The following DMD variants were observed in gnomAD, a reference collection of about 807,000 sequenced individuals.
The protein encoded by DMD is dystrophin, also known as mutant dystrophin.
Under a neutral mutation model 330.1 loss-of-function variants are expected in DMD, and 63 were observed. That is an observed-to-expected ratio of 0.19 (90% confidence interval 0.16 to 0.24). DMD has a LOEUF of 0.24. Ranked by LOEUF, DMD falls within the 10% of genes least tolerant of loss-of-function variation. The probability of loss-of-function intolerance (pLI) is 1.00; values close to 1 mark genes in which losing one functional copy is unlikely to be tolerated. For synonymous variants in DMD, 1,223 were observed against 959.8 expected (o/e 1.27, Z -5.07); for missense variants, 3,344 against 2,684.1 (o/e 1.25, Z -5.43).
chrX:32,050,494 A>T (rs1181495159), intron 44 of DMD, among the ~76,000 whole-genome samples: 2 of 111,912 alleles, frequency 1.8e-5, no homozygotes, highest in East Asian at 5.6e-4. Flanking sequence ...CACTGTAATA[A>T]TGCTGATAAA....
intron 60 of DMD, among the ~76,000 whole-genome samples, chrX:31,378,920 C>T (rs1375523545): frequency 2.7e-5 from 3 of 111,175 alleles, no homozygotes; most frequent in Non-Finnish European, 5.7e-5. Context: ...ACAGTAGTTC[C>T]AAATAGCCAG....
In DMD at chrX:32,854,046, C is replaced by T. The variant is rs767460980; in HGVS notation, c.94-4226G>A. 5.5e-4 allele frequency among the ~76,000 whole-genome samples: 61 copies of T among 111,295 alleles called. 1 individual carries two copies. The highest frequency in any genetic ancestry group is 1.8e-3 in the African/African-American group (56 of 30,658). On this transcript the variant is annotated intron_variant, in intron 2 of 78. Coordinates refer to ENST00000357033, the MANE Select transcript of DMD (RefSeq NM_004006.3). Reference sequence around the variant, plus strand: ...ATACCAATTGTAAATATATACGTACCGAACACTGGAGCACCCAGATATATA... The same window carrying T: ...ATACCAATTGTAAATATATACGTACTGAACACTGGAGCACCCAGATATATA...
intron 1 of DMD, among the ~76,000 whole-genome samples, chrX:33,175,828 T>G (rs1299292565): frequency 8.9e-6 from 1 of 111,955 alleles, no homozygotes; most frequent in Non-Finnish European, 1.9e-5. Context: ...TATAAGATAA[T>G]AATAAGTAAA....
chrX:31,602,234 A>C (rs1470572693), intron 55 of DMD, among the ~76,000 whole-genome samples: 1 of 110,031 alleles, frequency 9.1e-6, no homozygotes, highest in Non-Finnish European at 1.9e-5. Context: ...TCTTTTCTAG[A>C]TATCACCCTT....
chrX:32,512,292 C>A (rs1416724600), intron 18 of DMD, among the ~76,000 whole-genome samples: 1 of 111,603 alleles, frequency 9.0e-6, no homozygotes, highest in African/African-American at 3.3e-5. Flanking sequence ...TCTATCAGTC[C>A]TACTCCGACA....
At chrX:32,880,368 G>A (rs1268949872) in intron 2 of DMD, among the ~76,000 whole-genome samples, 1 of 110,017 alleles carries the variant, frequency 9.1e-6, no homozygotes, top group Non-Finnish European at 1.9e-5. Flanking sequence ...TCAATGTTTG[G>A]AAGAGATGGA....
rs568350718 is a variant in DMD at position 32,572,089 on chromosome X, T to G, written c.1812+1441A>C. On this transcript the variant is annotated intron_variant, in intron 15 of 78. Coordinates refer to ENST00000357033, the MANE Select transcript of DMD (RefSeq NM_004006.3). The stretch of plus-strand genomic sequence containing the variant: ...ATATACAGGTTACTTTTCTGAACTC[T>G]ATTTTCGGCAGTCACATCACTTAAT... Among the ~76,000 whole-genome samples, 255 of 112,237 alleles carry G rather than the reference T, an allele frequency of 2.3e-3. 1 individual carries two copies. The highest frequency in any genetic ancestry group is 8.1e-3 in the African/African-American group (250 of 30,948).
chrX:31,919,220 T>C (rs185658067), intron 47 of DMD, among the ~76,000 whole-genome samples: 105 of 111,991 alleles, frequency 9.4e-4, no homozygotes, highest in African/African-American at 3.3e-3. Flanking sequence ...TGGTCTAAAA[T>C]TTGTCACAAA....
At position 33,027,218 on chromosome X, in the gene DMD, G is replaced by A. The variant is rs2094020892; in HGVS notation, c.32-7018C>T. Among the ~76,000 whole-genome samples, 4 of 112,096 alleles carry A rather than the reference G, an allele frequency of 3.6e-5. No homozygotes were observed. The Admixed American group carries it at 3.8e-4, about 11-fold the overall frequency. ...GATTTAATCACAGGGGTCCTTAAAA[G>A]GGGGGAAATGTTGGCATAAGGGGAG... On this transcript the variant is annotated intron_variant, in intron 1 of 78. Transcript: ENST00000357033.
At chrX:31,183,485 C>T (rs775544793) in intron 67 of DMD, among the ~76,000 whole-genome samples, 11 of 111,234 alleles carry the variant, frequency 9.9e-5, no homozygotes, top group Non-Finnish European at 1.7e-4. Flanking sequence ...CCTGGCTTAG[C>T]GCTGTTTTCA....
intron 45 of DMD, among the ~76,000 whole-genome samples, chrX:31,951,975 G>A (rs1289205533): frequency 2.7e-5 from 3 of 110,477 alleles, no homozygotes; most frequent in Admixed American, 9.7e-5. Context: ...TGTTTTATGC[G>A]GAATTCTTGG....
At chrX:32,647,147 G>A (rs2059834313) in intron 9 of DMD, among the ~76,000 whole-genome samples, 1 of 111,541 alleles carries the variant, frequency 9.0e-6, no homozygotes. Flanking sequence ...AGAAACACAT[G>A]CCTCTATTAT....
chrX:31,911,394 CA>C (rs1229264228), intron 47 of DMD, among the ~76,000 whole-genome samples: 1 of 111,587 alleles, frequency 9.0e-6, no homozygotes, highest in Non-Finnish European at 1.9e-5. Context: ...TAGGTGACTA[CA>C]AAAGTAAGTG....
chrX:32,457,425 T>G (rs1434971440), intron 25 of DMD, among the ~76,000 whole-genome samples: 1 of 110,690 alleles, frequency 9.0e-6, no homozygotes. Flanking sequence ...ACAGGAGATA[T>G]TACAGAATAA....
intron 13 of DMD, among the ~76,000 whole-genome samples, chrX:32,574,331 T>C (rs1167974268): frequency 2.7e-5 from 3 of 112,171 alleles, no homozygotes; most frequent in Non-Finnish European, 3.8e-5. Context: ...TTAAATTCTA[T>C]TACTATGTAG....
intron 56 of DMD, among the ~76,000 whole-genome samples, chrX:31,497,607 A>G (rs1198292814): frequency 3.6e-5 from 4 of 112,192 alleles, no homozygotes; most frequent in Non-Finnish European, 7.5e-5. Context: ...CTTCCCCCGA[A>G]CATGAATAAT....
intron 60 of DMD, among the ~76,000 whole-genome samples, chrX:31,391,850 G>A (rs1449013509): frequency 9.1e-6 from 1 of 110,396 alleles, no homozygotes; most frequent in East Asian, 2.9e-4. Context: ...CAGCCTGGGG[G>A]AGAGAGTGAG....
intron 12 of DMD, among the ~76,000 whole-genome samples, chrX:32,605,003 G>A (rs750798308): frequency 9.1e-6 from 1 of 110,475 alleles, no homozygotes; most frequent in Non-Finnish European, 1.9e-5. Context: ...ATTGAACACA[G>A]TCCTTATAAA....
intron 2 of DMD, among the ~76,000 whole-genome samples, chrX:32,871,143 G>T (rs890764022): frequency 2.8e-5 from 3 of 105,719 alleles, no homozygotes; most frequent in African/African-American, 6.9e-5. Flanking sequence ...CTTTTCCCGT[G>T]TTTTTTTTCT....
Sources: gnomAD v4.1 joint callset for allele counts (sites outside exome capture counted in the v4.1 genomes callset) on GRCh38, gnomAD v4.1.1 for gene constraint, MANE v1.5 for transcripts, NCBI Gene and HGNC (gene_info 2026-07-23, HGNC 2026-07-21) for gene names.